Variants in SLC25A21 observed in about 807,000 individuals in gnomAD.
SLC25A21 encodes the protein solute carrier family 25 member 21.
Under a neutral mutation model 43.8 loss-of-function variants are expected in SLC25A21, and 47 were observed. The ratio of observed to expected loss-of-function variants is 1.07; its 90% CI spans 0.85 to 1.37. The LOEUF is 1.37. Among genes scored for constraint, SLC25A21 ranks in the 40% most tolerant of loss-of-function variants. SLC25A21 has a pLI of 0.00. For missense variants in SLC25A21, 352 were observed against 350.2 expected (o/e 1.00, Z -0.04); for synonymous variants, 131 against 121.3 (o/e 1.08, Z -0.52).
intron 2 of SLC25A21, among the ~76,000 whole-genome samples, chr14:36,847,029 T>G (rs56256812): frequency 0.035 from 5,398 of 152,326 alleles, 329 homozygotes; most frequent in African/African-American, 0.12. Flanking sequence ...CTACTCAATG[T>G]GAATGTTTAT....
intron 4 of SLC25A21, among the ~76,000 whole-genome samples, chr14:36,730,019 G>A (rs892381485): frequency 1.5e-4 from 23 of 152,140 alleles, no homozygotes; most frequent in African/African-American, 4.8e-4. Flanking sequence ...CTATTGTGGT[G>A]TCTCCCCACT....
rs1203964951 is a variant in SLC25A21 at position 36,680,372 on chromosome 14, A to ATT, written c.*284_*285dup. 1 of 1,043,960 alleles carries ATT rather than the reference A, an allele frequency of 9.6e-7. No homozygotes were observed. The highest frequency in any genetic ancestry group is 1.2e-6 in the Non-Finnish European group (1 of 866,058). The allele number at this position is 1,043,960 out of a possible 1,614,324, so 64.7% of individuals were successfully genotyped here. On this transcript the variant is annotated 3_prime_UTR_variant, in exon 10 of 10. Transcript: ENST00000331299. Reference sequence around the variant, plus strand: ...GAGGAACACAGGAGACAAAGTTTCTATTTATTTTATGAAATAAATATATGA... The same window carrying ATT: ...GAGGAACACAGGAGACAAAGTTTCTATTTTTATTTTATGAAATAAATATATGA...
chr14:36,782,865 G>C (rs1371851956), intron 3 of SLC25A21, among the ~76,000 whole-genome samples: 4 of 150,650 alleles, frequency 2.7e-5, no homozygotes, highest in African/African-American at 7.3e-5. Context: ...TGACGAGTTA[G>C]TGGGTGCAGC....
At chr14:37,158,627 C>T (rs1381547425) in intron 1 of SLC25A21, among the ~76,000 whole-genome samples, 1 of 152,126 alleles carries the variant, frequency 6.6e-6, no homozygotes, top group Non-Finnish European at 1.5e-5. Flanking sequence ...TAGTATCATA[C>T]TGAATAGCAG....
intron 1 of SLC25A21, among the ~76,000 whole-genome samples, chr14:36,966,011 C>A (rs1208811133): frequency 6.6e-6 from 1 of 152,080 alleles, no homozygotes; most frequent in Non-Finnish European, 1.5e-5. Flanking sequence ...TATACAGCTA[C>A]TATGTACCTA....
At chr14:37,017,403 G>A (rs1362163878) in intron 1 of SLC25A21, among the ~76,000 whole-genome samples, 1 of 152,062 alleles carries the variant, frequency 6.6e-6, no homozygotes, top group Non-Finnish European at 1.5e-5. Context: ...TAAGTTCACT[G>A]TTTTACATGT....
rs112178475 is a variant in SLC25A21 at position 36,919,088 on chromosome 14, G to GATGA, written c.71-44088_71-44085dup. Among the ~76,000 whole-genome samples the GATGA allele has an allele frequency of 7.7e-3, 1,164 of 151,782 alleles. 13 individuals are homozygous for GATGA. The highest frequency in any genetic ancestry group is 0.015 in the African/African-American group (611 of 41,398). On this transcript the variant is annotated intron_variant, in intron 1 of 9. Transcript: ENST00000331299. The stretch of plus-strand genomic sequence containing the variant: ...AACATTCATATAAAATAAATGAATG[G>GATGA]ATGAATGAATGAATGAATGAATGAA...
At chr14:36,712,248 A>G (rs757476860) in intron 6 of SLC25A21, among the ~76,000 whole-genome samples, 2 of 151,770 alleles carry the variant, frequency 1.3e-5, no homozygotes, top group African/African-American at 2.4e-5. Flanking sequence ...CATGGGTTTA[A>G]AAAAAAATGT....
chr14:36,807,660 A>G (rs1274153954), intron 3 of SLC25A21, among the ~76,000 whole-genome samples: 1 of 152,178 alleles, frequency 6.6e-6, no homozygotes, highest in Non-Finnish European at 1.5e-5. Flanking sequence ...TAGACTAGGT[A>G]AACCACTTTT....
In SLC25A21 at chr14:36,793,816, T is replaced by C. The variant is rs1488408193; in HGVS notation, c.203+20102A>G. Among the ~76,000 whole-genome samples the C allele has an allele frequency of 2.0e-5, 3 of 152,060 alleles. No homozygotes were observed. The East Asian group carries it at 5.8e-4, about 29-fold the overall frequency. ...CCTTTATTCTCCTCTGGCATTTTCT[T>C]TTGAATGGCAAGTTTTGGCTTGGTT... On this transcript the variant is annotated intron_variant, in intron 3 of 9. Transcript: ENST00000331299.
intron 1 of SLC25A21, among the ~76,000 whole-genome samples, chr14:36,979,474 G>C (rs974626694): frequency 2.6e-5 from 4 of 152,006 alleles, no homozygotes; most frequent in African/African-American, 9.7e-5. Flanking sequence ...TCCTGCGTCA[G>C]CCTCCCAAGT....
At chr14:36,927,933 C>T (rs1892176721) in intron 1 of SLC25A21, among the ~76,000 whole-genome samples, 1 of 152,150 alleles carries the variant, frequency 6.6e-6, no homozygotes, top group South Asian at 2.1e-4. Flanking sequence ...ATTCCATTTG[C>T]TGTATATCAA....
At chr14:36,761,102 C>T (rs997520872) in intron 3 of SLC25A21, among the ~76,000 whole-genome samples, 1 of 152,126 alleles carries the variant, frequency 6.6e-6, no homozygotes, top group East Asian at 1.9e-4. Flanking sequence ...TCATCTGGGG[C>T]CTCTAAGGAG....
intron 1 of SLC25A21, among the ~76,000 whole-genome samples, chr14:36,963,159 C>T (rs1164220189): frequency 2.6e-5 from 4 of 151,962 alleles, no homozygotes; most frequent in Non-Finnish European, 4.4e-5. Flanking sequence ...AATAGGACCC[C>T]CTTTCCACAA....
intron 1 of SLC25A21, among the ~76,000 whole-genome samples, chr14:36,883,909 C>T (rs57030382): frequency 0.021 from 3,157 of 152,026 alleles, 126 homozygotes; most frequent in African/African-American, 0.073. Context: ...TAAATATACA[C>T]GTATACATTG....
intron 1 of SLC25A21, among the ~76,000 whole-genome samples, chr14:36,992,269 A>C (rs1960280284): frequency 6.6e-6 from 1 of 152,102 alleles, no homozygotes; most frequent in Admixed American, 6.5e-5. Flanking sequence ...TTGCCCTGGT[A>C]GTGGTATGCA....
intron 1 of SLC25A21, among the ~76,000 whole-genome samples, chr14:37,064,509 G>GGATAGAA: frequency 6.6e-6 from 1 of 151,962 alleles, no homozygotes; most frequent in African/African-American, 2.4e-5. Context: ...TGTGGAGTTG[G>GGATAGAA]TTCAACTCTG....
chr14:37,084,380 T>C (rs1409228861), intron 1 of SLC25A21, among the ~76,000 whole-genome samples: 3 of 152,220 alleles, frequency 2.0e-5, no homozygotes, highest in Non-Finnish European at 4.4e-5. Flanking sequence ...CAGTCGGCCC[T>C]GCTTATAGGC....
At chr14:36,833,905 G>A (rs1331591778) in intron 2 of SLC25A21, among the ~76,000 whole-genome samples, 1 of 152,198 alleles carries the variant, frequency 6.6e-6, no homozygotes, top group Non-Finnish European at 1.5e-5. Flanking sequence ...TCTAAGAAAT[G>A]TGCATGGGCT....
Sources: allele counts gnomAD v4.1 joint callset (sites outside exome capture counted in the v4.1 genomes callset), GRCh38; gene constraint gnomAD v4.1.1; transcripts MANE v1.5; gene names NCBI Gene and HGNC (gene_info 2026-07-23, HGNC 2026-07-21).